Variants in GLIS3 observed in about 807,000 individuals in gnomAD.
GLIS3 encodes the protein zinc finger protein GLIS3.
GLIS3 carries 53 observed loss-of-function variants against 78.6 expected under a neutral mutation model. The ratio of observed to expected loss-of-function variants is 0.67; its 90% CI spans 0.54 to 0.85. The LOEUF is 0.85. Ranked by LOEUF, GLIS3 falls within the 40% of genes least tolerant of loss-of-function variation. The pLI, the probability that GLIS3 is intolerant of heterozygous loss-of-function variation, is 0.00. For missense variants in GLIS3, 1,703 were observed against 1,231.1 expected, an observed-to-expected ratio of 1.38 and a Z score of -5.74; for synonymous variants, 684 against 509.9, an observed-to-expected ratio of 1.34 and a Z score of -4.60.
At chr9:4,103,984 C>A (rs1467537217) in intron 4 of GLIS3, among the ~76,000 whole-genome samples, 1 of 152,078 alleles carries the variant, frequency 6.6e-6, no homozygotes, top group Non-Finnish European at 1.5e-5. Flanking sequence ...GAAATTCACT[C>A]CTTCTTCTAC....
At chr9:3,868,495 A>T (rs1308812212) in intron 8 of GLIS3, among the ~76,000 whole-genome samples, 3 of 152,220 alleles carry the variant, frequency 2.0e-5, no homozygotes, top group Non-Finnish European at 4.4e-5. Flanking sequence ...AAATAACATA[A>T]TCCCTATTGT....
rs374619468 is a variant in GLIS3, at chr9:4,180,659, T to A, written c.389-54718A>T. ...GAGAACAGCAGATCTTAAAAGGGGG[T>A]AGCATAAAATCCTTCTATCTTATAT... On this transcript the variant is annotated intron_variant, in intron 2 of 10. Coordinates refer to ENST00000381971, the MANE Select transcript of GLIS3 (RefSeq NM_001042413.2). 1.1e-4 allele frequency among the ~76,000 whole-genome samples: 16 copies of A among 152,142 alleles called. No individual in the cohort carries two copies. In the South Asian group the frequency reaches 2.3e-3, roughly 22 times the overall value.
chr9:4,443,526 C>T, the GLIS3 span, among the ~76,000 whole-genome samples: 7 of 152,092 alleles, frequency 4.6e-5, 1 homozygote, highest in Admixed American at 3.3e-4. Flanking sequence ...TCAGAAAGAA[C>T]GATCAAGGGA....
intron 2 of GLIS3, among the ~76,000 whole-genome samples, chr9:4,241,089 C>G (rs1823263644): frequency 6.6e-6 from 1 of 152,154 alleles, no homozygotes; most frequent in Non-Finnish European, 1.5e-5. Flanking sequence ...CTGGACAAAC[C>G]ACCTTTATGA....
At chr9:4,264,430 T>C (rs192625615) in intron 2 of GLIS3, among the ~76,000 whole-genome samples, 37 of 152,352 alleles carry the variant, frequency 2.4e-4, no homozygotes, top group Admixed American at 5.9e-4. Context: ...GGTAACACGA[T>C]GTCCTTTTTT....
At chr9:3,983,915 G>A (rs905500524) in intron 4 of GLIS3, among the ~76,000 whole-genome samples, 5 of 152,236 alleles carry the variant, frequency 3.3e-5, no homozygotes, top group African/African-American at 1.2e-4. Context: ...CAAGCTGGCT[G>A]CAGAAATTTG....
the GLIS3 span, among the ~76,000 whole-genome samples, chr9:4,372,982 T>G: frequency 6.6e-6 from 1 of 152,168 alleles, no homozygotes; most frequent in African/African-American, 2.4e-5. Flanking sequence ...TTGGTACTAG[T>G]AGGTACTGCA....
chr9:4,274,564 G>C (rs906950402), intron 2 of GLIS3, among the ~76,000 whole-genome samples: 1 of 152,198 alleles, frequency 6.6e-6, no homozygotes, highest in African/African-American at 2.4e-5. Context: ...GGAAGTGGAA[G>C]AGTCAGCGGT....
chr9:4,058,403 C>G (rs10974307), intron 4 of GLIS3, among the ~76,000 whole-genome samples: 3 of 151,716 alleles, frequency 2.0e-5, no homozygotes, highest in African/African-American at 7.2e-5. Context: ...GCCTACTGAT[C>G]TCTTTGACTT....
the GLIS3 span, among the ~76,000 whole-genome samples, chr9:4,356,784 G>C: frequency 6.6e-6 from 1 of 152,190 alleles, no homozygotes; most frequent in African/African-American, 2.4e-5. Flanking sequence ...AAAAACATCA[G>C]TAAGAAAATC....
chr9:4,088,246 G>A (rs371309547), intron 4 of GLIS3, among the ~76,000 whole-genome samples: 52 of 152,208 alleles, frequency 3.4e-4, no homozygotes, highest in Non-Finnish European at 6.8e-4. Context: ...TTAATTTACC[G>A]ACCTGCCTCC....
chr9:3,994,446 G>A (rs1820583635), intron 4 of GLIS3, among the ~76,000 whole-genome samples: 1 of 152,180 alleles, frequency 6.6e-6, no homozygotes, highest in Admixed American at 6.5e-5. Context: ...GATTTGGCAA[G>A]CGTATGTCTT....
the GLIS3 span, among the ~76,000 whole-genome samples, chr9:4,447,758 C>T: frequency 6.6e-6 from 1 of 152,298 alleles, no homozygotes; most frequent in East Asian, 1.9e-4. Flanking sequence ...CAGAGGACTT[C>T]ATCTCTTCTT....
At chr9:4,184,837 C>G (rs917510127) in intron 2 of GLIS3, among the ~76,000 whole-genome samples, 1 of 152,080 alleles carries the variant, frequency 6.6e-6, no homozygotes, top group Non-Finnish European at 1.5e-5. Context: ...GGTTGTGCAT[C>G]TGTCAACATT....
intron 2 of GLIS3, among the ~76,000 whole-genome samples, chr9:4,155,299 A>G (rs959525268): frequency 6.6e-6 from 1 of 152,170 alleles, no homozygotes. Flanking sequence ...GCAAGAGAAT[A>G]AGCATGATTG....
At chr9:4,230,208 T>C (rs1010263406) in intron 2 of GLIS3, among the ~76,000 whole-genome samples, 25 of 152,186 alleles carry the variant, frequency 1.6e-4, no homozygotes, top group African/African-American at 6.0e-4. Context: ...TGAAAACCAG[T>C]AAGCGTCATC....
the GLIS3 span, among the ~76,000 whole-genome samples, chr9:4,412,163 TTCC>T: frequency 6.6e-6 from 1 of 152,204 alleles, no homozygotes; most frequent in East Asian, 1.9e-4. Context: ...GGTGGCACTC[TTCC>T]AAGAAGGCAT....
chr9:4,060,749 T>A lies in GLIS3; in HGVS notation c.1710+57019A>T, dbSNP rs543831227. Reference sequence around the variant, plus strand: ...GCTTCCACAACTGTAAGATAGAAGTTCCTTTTCTTGTTAAATTATCCAGTT... The same window carrying A: ...GCTTCCACAACTGTAAGATAGAAGTACCTTTTCTTGTTAAATTATCCAGTT... On this transcript the variant is annotated intron_variant, in intron 4 of 10. Transcript: ENST00000381971. Among the ~76,000 whole-genome samples the A allele has an allele frequency of 1.9e-3, 290 of 152,334 alleles. 1 individual carries two copies. Among genetic ancestry groups the A allele is most frequent in the Middle Eastern group, 3.4e-3 (1 of 294 alleles).
chr9:3,957,336 T>C (rs1817191600), intron 4 of GLIS3, among the ~76,000 whole-genome samples: 1 of 152,282 alleles, frequency 6.6e-6, no homozygotes, highest in Admixed American at 6.5e-5. Context: ...TTAATGTCTT[T>C]GCTTTCACCT....
Sources: gnomAD v4.1 joint callset for allele counts (sites outside exome capture counted in the v4.1 genomes callset) on GRCh38, gnomAD v4.1.1 for gene constraint, MANE v1.5 for transcripts, NCBI Gene and HGNC (gene_info 2026-07-23, HGNC 2026-07-21) for gene names.